The following MGAT5 variants were observed in gnomAD, a reference collection of about 807,000 sequenced individuals.
The protein encoded by MGAT5 is alpha-1,6-mannosylglycoprotein 6-beta-N-acetylglucosaminyltransferase A.
In MGAT5, 30 loss-of-function variants were observed where a neutral mutation model predicts 94.3. The ratio of observed to expected loss-of-function variants is 0.32; its 90% CI spans 0.24 to 0.43. The LOEUF (loss-of-function observed/expected upper bound fraction) is 0.43, where lower values mean the gene tolerates loss of function less well. MGAT5 is among the 20% of genes least tolerant of loss of function. The pLI is 1.00. For missense variants in MGAT5, 691 were observed against 905.5 expected, an observed-to-expected ratio of 0.76 and a Z score of 3.04; for synonymous variants, 310 against 322.9, an observed-to-expected ratio of 0.96 and a Z score of 0.43.
intron 1 of MGAT5, among the ~76,000 whole-genome samples, chr2:134,194,800 T>A (rs1386462609): frequency 6.6e-6 from 1 of 152,212 alleles, no homozygotes; most frequent in Non-Finnish European, 1.5e-5. Context: ...CTTCATGTAC[T>A]GTTCAAGGCC....
At chr2:134,336,945 A>G (rs1348720998) in intron 5 of MGAT5, among the ~76,000 whole-genome samples, 1 of 152,174 alleles carries the variant, frequency 6.6e-6, no homozygotes, top group African/African-American at 2.4e-5. Flanking sequence ...AACTTCTACA[A>G]AATACCCAGA....
intron 14 of MGAT5, among the ~76,000 whole-genome samples, chr2:134,432,684 A>G (rs1684949848): frequency 6.6e-6 from 1 of 152,248 alleles, no homozygotes; most frequent in South Asian, 2.1e-4. Flanking sequence ...CTGGGTTCAC[A>G]TCTTAGCTCT....
At chr2:134,295,188 A>G (rs1452028223) in intron 2 of MGAT5, among the ~76,000 whole-genome samples, 3 of 150,938 alleles carry the variant, frequency 2.0e-5, no homozygotes, top group Non-Finnish European at 3.0e-5. Context: ...TTGACATTTG[A>G]TGGCTCTTCA....
chr2:134,275,277 C>T (rs1684290317), intron 2 of MGAT5, among the ~76,000 whole-genome samples: 2 of 152,216 alleles, frequency 1.3e-5, no homozygotes, highest in Non-Finnish European at 2.9e-5. Context: ...TGTCTATCTA[C>T]CTGTCACTTT....
intron 1 of MGAT5, among the ~76,000 whole-genome samples, chr2:134,139,487 C>A (rs1686568698): frequency 6.6e-6 from 1 of 152,204 alleles, no homozygotes; most frequent in African/African-American, 2.4e-5. Flanking sequence ...CTTTGCCACA[C>A]TGGGGCTTGT....
chr2:134,255,209 G>A (rs537546278), intron 1 of MGAT5, among the ~76,000 whole-genome samples: 115 of 152,110 alleles, frequency 7.6e-4, no homozygotes, highest in Non-Finnish European at 1.5e-3. Flanking sequence ...CACTTTGAAA[G>A]GAATCTTTGT....
At chr2:134,373,691 A>G (rs1486111606) in intron 10 of MGAT5, among the ~76,000 whole-genome samples, 1 of 152,182 alleles carries the variant, frequency 6.6e-6, no homozygotes, top group Non-Finnish European at 1.5e-5. Context: ...TCACTGTTCA[A>G]TACTGAGATA....
Position 134,449,294 on chromosome 2 carries a change from C to A in MGAT5, c.*447C>A. Reference sequence around the variant, plus strand: ...AGGGAGAGGAGGGATTGATCACAGGCTTCTTTTATTTCCACTGTTAATCAT... The same window carrying A: ...AGGGAGAGGAGGGATTGATCACAGGATTCTTTTATTTCCACTGTTAATCAT... On this transcript the variant is annotated 3_prime_UTR_variant, in exon 16 of 16. Transcript: ENST00000281923. 1 of 210,558 alleles carries A rather than the reference C, an allele frequency of 4.7e-6. No individual in the cohort carries two copies. The highest frequency in any genetic ancestry group is 8.2e-5 in the South Asian group (1 of 12,228). 13.0% of individuals were successfully genotyped at this position (210,558 alleles called of 1,614,324 possible).
At chr2:134,337,295 C>G (rs2105984668) in intron 5 of MGAT5, among the ~76,000 whole-genome samples, 1 of 152,284 alleles carries the variant, frequency 6.6e-6, no homozygotes, top group East Asian at 1.9e-4. Flanking sequence ...GGCAATACAG[C>G]AGGACCCCAT....
upstream of MGAT5, among the ~76,000 whole-genome samples, chr2:134,252,801 A>G (rs1164238311): frequency 6.6e-6 from 1 of 152,178 alleles, no homozygotes; most frequent in Non-Finnish European, 1.5e-5. Context: ...TCTGCCATAT[A>G]CAAACAGGCT....
At chr2:134,194,200 T>G (rs1400944567) in intron 1 of MGAT5, among the ~76,000 whole-genome samples, 2 of 152,226 alleles carry the variant, frequency 1.3e-5, no homozygotes, top group Non-Finnish European at 2.9e-5. Flanking sequence ...TTATTGCTAG[T>G]ATTGTTATAA....
chr2:134,369,601 ACT>A (rs1680652283), intron 10 of MGAT5, among the ~76,000 whole-genome samples: 1 of 152,156 alleles, frequency 6.6e-6, no homozygotes, highest in Admixed American at 6.5e-5. Flanking sequence ...TACATATAAA[ACT>A]CTAGAAAATG....
chr2:134,314,756 G>C (rs184684154), intron 2 of MGAT5, among the ~76,000 whole-genome samples: 31 of 152,292 alleles, frequency 2.0e-4, no homozygotes, highest in South Asian at 6.2e-4. Context: ...TGAGGAGAAG[G>C]ACGTTCCAGG....
At chr2:134,276,228 AAG>A (rs1684364278) in intron 2 of MGAT5, among the ~76,000 whole-genome samples, 1 of 150,950 alleles carries the variant, frequency 6.6e-6, no homozygotes, top group Non-Finnish European at 1.5e-5. Flanking sequence ...CCTCCAAGGA[AAG>A]AGATTTTAGA....
At chr2:134,302,282 T>G (rs1686065646) in intron 2 of MGAT5, among the ~76,000 whole-genome samples, 1 of 152,196 alleles carries the variant, frequency 6.6e-6, no homozygotes, top group Admixed American at 6.6e-5. Context: ...TATCACGGTA[T>G]AGTTAGAGTT....
intron 10 of MGAT5, among the ~76,000 whole-genome samples, chr2:134,375,240 C>G (rs1321147823): frequency 6.6e-6 from 1 of 152,178 alleles, no homozygotes; most frequent in Non-Finnish European, 1.5e-5. Flanking sequence ...GGTAAAGGTT[C>G]CTCAGGTGGT....
intron 12 of MGAT5, among the ~76,000 whole-genome samples, chr2:134,422,554 T>C (rs918486818): frequency 1.3e-5 from 2 of 152,214 alleles, no homozygotes; most frequent in Admixed American, 1.3e-4. Context: ...TGTTGGGGGC[T>C]AAAGCCTCCT....
intron 1 of MGAT5, among the ~76,000 whole-genome samples, chr2:134,184,365 A>G (rs1688892996): frequency 6.6e-6 from 1 of 152,100 alleles, no homozygotes; most frequent in South Asian, 2.1e-4. Flanking sequence ...CTGTCTTTAC[A>G]TTCCAGCCTG....
At chr2:134,192,668 TA>T (rs1468336697) in intron 1 of MGAT5, among the ~76,000 whole-genome samples, 5 of 152,074 alleles carry the variant, frequency 3.3e-5, no homozygotes, top group Non-Finnish European at 5.9e-5. Flanking sequence ...AAAATTTTTT[TA>T]TTTTTTTATT....
Sources: allele counts gnomAD v4.1 joint callset (sites outside exome capture counted in the v4.1 genomes callset), GRCh38; gene constraint gnomAD v4.1.1; transcripts MANE v1.5; gene names NCBI Gene and HGNC (gene_info 2026-07-23, HGNC 2026-07-21).